ARSF: variants seen among roughly 807,000 people sequenced by gnomAD.
ARSF encodes the protein arylsulfatase F.
A neutral mutation model predicts 35.4 loss-of-function variants in ARSF; 33 were observed. The observed-to-expected ratio is 0.93, with a 90% CI of 0.71 to 1.25. The LOEUF is 1.25. Among genes scored for constraint, ARSF ranks in the 50% most tolerant of loss-of-function variants. The pLI is 0.00. For missense variants in ARSF, 501 were observed against 480.2 expected (o/e 1.04, Z -0.40); for synonymous variants, 222 against 193.1 (o/e 1.15, Z -1.24).
intron 3 of ARSF, 61 bp downstream of exon 3, chrX:3,072,236 G>A (rs1002888510): frequency 3.0e-5 from 34 of 1,128,835 alleles, no homozygotes; most frequent in Non-Finnish European, 3.8e-5. Context: ...CAGGCTGGCT[G>A]TACGGCTGCA....
chrX:3,078,593 G>A (rs987925861), intron 4 of ARSF, among the ~76,000 whole-genome samples: 1 of 110,998 alleles, frequency 9.0e-6, no homozygotes, highest in African/African-American at 3.3e-5. Context: ...TCAAACTCCA[G>A]GGCTCAAGCG....
chrX:3,081,631 C>T (rs2090202632), intron 5 of ARSF, among the ~76,000 whole-genome samples: 2 of 111,894 alleles, frequency 1.8e-5, no homozygotes, highest in African/African-American at 6.5e-5. Flanking sequence ...GCCACCACAC[C>T]TAGTCTGATT....
At chrX:3,086,135 G>T (rs1180079434) in intron 6 of ARSF, among the ~76,000 whole-genome samples, 1 of 111,860 alleles carries the variant, frequency 8.9e-6, no homozygotes, top group East Asian at 2.8e-4. Flanking sequence ...TTCCAAATGT[G>T]CAGAGTTCTA....
At chrX:3,054,759 G>A (rs2090010778) in intron 1 of ARSF, among the ~76,000 whole-genome samples, 1 of 106,671 alleles carries the variant, frequency 9.4e-6, no homozygotes, top group South Asian at 4.3e-4. Context: ...TTTTGGTAGA[G>A]TTTTGCTGTT....
chrX:3,047,846 C>A (rs945048706), intron 1 of ARSF, among the ~76,000 whole-genome samples: 2 of 110,819 alleles, frequency 1.8e-5, no homozygotes, highest in Non-Finnish European at 3.8e-5. Flanking sequence ...TAAAGACATA[C>A]CCGAGATTGG....
At chrX:3,102,437 G>A (rs1452268476) in intron 8 of ARSF, among the ~76,000 whole-genome samples, 1 of 112,060 alleles carries the variant, frequency 8.9e-6, no homozygotes, top group Non-Finnish European at 1.9e-5. Context: ...CTCCATCCAA[G>A]TTACTGCAAA....
chrX:3,093,858 G>C (rs1193674280), intron 7 of ARSF, among the ~76,000 whole-genome samples: 1 of 111,971 alleles, frequency 8.9e-6, no homozygotes, highest in African/African-American at 3.2e-5. Context: ...CCAAACAATA[G>C]TATATAAGTG....
At chrX:3,058,674 G>A (rs139867250) in intron 1 of ARSF, 13,208 of 310,524 alleles carry the variant, frequency 0.043, 370 homozygotes, top group African/African-American at 0.14. Flanking sequence ...GCAATATAGG[G>A]AGACCTTGTC....
chrX:3,094,460 C>T (rs1187167176), intron 7 of ARSF, among the ~76,000 whole-genome samples: 1 of 112,467 alleles, frequency 8.9e-6, no homozygotes, highest in Non-Finnish European at 1.9e-5. Flanking sequence ...CAGCGAGAGG[C>T]TTTCATTGGA....
At chrX:3,102,136 A>T (rs746652847) in intron 8 of ARSF, among the ~76,000 whole-genome samples, 8 of 109,694 alleles carry the variant, frequency 7.3e-5, no homozygotes, top group South Asian at 7.7e-4. Context: ...ATTCTATTTT[A>T]AAAAAAAAAT....
chrX:3,084,528 A>G lies in ARSF; in HGVS notation c.692A>G (p.Tyr231Cys). ...ATTCTGTTTATTTTCCTCTTGGGCT[A>G]TGCTTGGTTCTCCAGCCACACGTCC... is the stretch of plus-strand genomic sequence containing the variant. The part of the protein sequence containing the change: ...SMILFIFLLG[Y>C]AWFSSHTSPL... The change falls in exon 6 of 11, where the codon TAT (tyrosine) becomes TGT (cysteine). Residue 231 changes from tyrosine (Y) to cysteine (C), a missense_variant. Physicochemically the swap from Tyr to Cys is radical, Grantham distance 194. Transcript: ENST00000381127. 1.1e-5 allele frequency: 13 copies of G among 1,211,232 alleles called. No individual in the cohort carries two copies. Among genetic ancestry groups the G allele is most frequent in the South Asian group, 1.8e-5 (1 of 56,924 alleles).
intron 7 of ARSF, among the ~76,000 whole-genome samples, chrX:3,093,666 T>C (rs191050747): frequency 8.9e-6 from 1 of 112,130 alleles, no homozygotes; most frequent in African/African-American, 3.2e-5. Flanking sequence ...ATTGGTTCTA[T>C]GTCTTTGCTA....
At chrX:3,098,786 G>A (rs1470434510) in intron 7 of ARSF, among the ~76,000 whole-genome samples, 2 of 110,980 alleles carry the variant, frequency 1.8e-5, no homozygotes, top group Non-Finnish European at 3.8e-5. Flanking sequence ...AAATGGCAAT[G>A]GGGCAGGAAA....
chrX:3,059,713 A>G (rs2090033916), intron 1 of ARSF, among the ~76,000 whole-genome samples: 1 of 112,586 alleles, frequency 8.9e-6, no homozygotes. Flanking sequence ...TTGAACTGTG[A>G]GGCAGCAGCC....
At chrX:3,078,601 G>A (rs1338026932) in intron 4 of ARSF, among the ~76,000 whole-genome samples, 1 of 111,076 alleles carries the variant, frequency 9.0e-6, no homozygotes, top group Non-Finnish European at 1.9e-5. Context: ...CAGGGCTCAA[G>A]CGATTCTCCC....
intron 7 of ARSF, among the ~76,000 whole-genome samples, chrX:3,098,046 C>CAACACA (rs1214057046): frequency 2.3e-4 from 8 of 34,334 alleles, no homozygotes; most frequent in African/African-American, 1.2e-3. Context: ...CATACACACA[C>CAACACA]AACACACACA....
intron 7 of ARSF, among the ~76,000 whole-genome samples, 197 bp from the exon 8 acceptor site, chrX:3,100,890 C>T (rs1164589186): frequency 2.7e-5 from 3 of 111,692 alleles, no homozygotes; most frequent in African/African-American, 6.5e-5. Flanking sequence ...CCACCGCGCC[C>T]GGCCTGACTC....
chrX:3,070,768 T>C lies in ARSF; in HGVS notation c.12-1258T>C, dbSNP rs932178117. On this transcript the variant is annotated intron_variant, in intron 2 of 10. Transcript: ENST00000381127. The stretch of plus-strand genomic sequence containing the variant: ...TGAGTCCCCAAAGTCCATTGCGTCA[T>C]TCTTATGCCTTTGCAGCCTCATAGC... Among the ~76,000 whole-genome samples the C allele has an allele frequency of 4.5e-5, 5 of 111,410 alleles. No individual in the cohort carries two copies. The South Asian group carries it at 1.9e-3, about 43-fold the overall frequency.
intron 1 of ARSF, among the ~76,000 whole-genome samples, chrX:3,043,786 ATTTG>A (rs907572636): frequency 2.0e-4 from 22 of 110,665 alleles, no homozygotes; most frequent in Non-Finnish European, 4.2e-4. Flanking sequence ...TGTTTGATTG[ATTTG>A]TTTATTTTGG....
Sources: allele counts gnomAD v4.1 joint callset (sites outside exome capture counted in the v4.1 genomes callset), GRCh38; gene constraint gnomAD v4.1.1; transcripts MANE v1.5; gene names NCBI Gene and HGNC (gene_info 2026-07-23, HGNC 2026-07-21).